GALNT13: variants seen among roughly 807,000 people sequenced by gnomAD.
The protein encoded by GALNT13 is polypeptide N-acetylgalactosaminyltransferase 13, also known as UDP-GalNAc:polypeptide N-acetylgalactosaminyltransferase 13.
In GALNT13, 28 loss-of-function variants were observed where a neutral mutation model predicts 64.2. The observed-to-expected ratio is 0.44, with a 90% CI of 0.32 to 0.60. GALNT13 has a LOEUF of 0.60. Among genes scored for constraint, GALNT13 ranks in the 20% least tolerant of loss-of-function variants. The pLI is 0.05. For missense variants in GALNT13, 577 were observed against 669.8 expected, an observed-to-expected ratio of 0.86 and a Z score of 1.53; for synonymous variants, 214 against 224.6, an observed-to-expected ratio of 0.95 and a Z score of 0.42.
the GALNT13 span, among the ~76,000 whole-genome samples, chr2:153,671,964 C>T: frequency 1.3e-5 from 2 of 152,178 alleles, no homozygotes; most frequent in Non-Finnish European, 2.9e-5. Flanking sequence ...AAGGCCATTA[C>T]ATAATGATAA....
At chr2:153,459,345 A>G in the GALNT13 span, among the ~76,000 whole-genome samples, 4 of 152,088 alleles carry the variant, frequency 2.6e-5, no homozygotes, top group African/African-American at 9.7e-5. Context: ...TGCCAGGCAC[A>G]GTAGTGTGTG....
intron 2 of GALNT13, among the ~76,000 whole-genome samples, chr2:153,903,274 G>T (rs1199109616): frequency 1.3e-5 from 2 of 151,934 alleles, no homozygotes; most frequent in Non-Finnish European, 2.9e-5. Context: ...TGTATCTTGG[G>T]TCCGTAAAAG....
chr2:154,043,407 A>T, intron 3 of GALNT13, among the ~76,000 whole-genome samples: 1 of 26,310 alleles, frequency 3.8e-5, no homozygotes, highest in Admixed American at 2.8e-4. Context: ...CACTACTATA[A>T]GGACTTTTAT....
intron 9 of GALNT13, among the ~76,000 whole-genome samples, chr2:154,307,868 C>T (rs1243631364): frequency 1.3e-5 from 2 of 152,128 alleles, no homozygotes; most frequent in Admixed American, 6.6e-5. Flanking sequence ...ATTTTCTTTT[C>T]CTCTTGGTCA....
the GALNT13 span, among the ~76,000 whole-genome samples, chr2:153,497,392 G>A: frequency 6.6e-6 from 1 of 151,832 alleles, no homozygotes; most frequent in Non-Finnish European, 1.5e-5. Context: ...TTCTTTATGT[G>A]TCCTTCATAT....
At chr2:153,551,188 AG>A in the GALNT13 span, among the ~76,000 whole-genome samples, 75 of 152,288 alleles carry the variant, frequency 4.9e-4, 1 homozygote, top group East Asian at 0.012. Context: ...GTTATCGCCT[AG>A]GGGGAGGTGG....
At chr2:153,909,210 A>G (rs2105311284) in intron 2 of GALNT13, among the ~76,000 whole-genome samples, 1 of 152,146 alleles carries the variant, frequency 6.6e-6, no homozygotes, top group Admixed American at 6.6e-5. Context: ...TCATTGCCAT[A>G]TAGGATTTTT....
chr2:153,433,877 G>A, the GALNT13 span, among the ~76,000 whole-genome samples: 4 of 151,692 alleles, frequency 2.6e-5, no homozygotes, highest in African/African-American at 2.4e-5. Context: ...TGTGCACCAC[G>A]TACAGGTTTG....
rs1227608539 is a variant in GALNT13, at chr2:154,117,007, T to C, written c.143-23330T>C. On this transcript the variant is annotated intron_variant, in intron 3 of 12. Transcript: ENST00000392825. ...GGAGAGCCTATCCAAGTCCCAAAAC[T>C]GAAGAACTCAGAGTCCGATGTTCAA... Among the ~76,000 whole-genome samples, 3 of 152,100 alleles carry C rather than the reference T, an allele frequency of 2.0e-5. No homozygotes were observed. In the East Asian group the frequency reaches 5.8e-4, roughly 29 times the overall value.
the GALNT13 span, among the ~76,000 whole-genome samples, chr2:153,789,498 C>A: frequency 6.6e-6 from 1 of 152,086 alleles, no homozygotes; most frequent in African/African-American, 2.4e-5. Context: ...TCAGGAAGAT[C>A]TCAAATTAAC....
chr2:153,798,775 A>G, the GALNT13 span, among the ~76,000 whole-genome samples: 2 of 152,112 alleles, frequency 1.3e-5, no homozygotes, highest in Non-Finnish European at 2.9e-5. Flanking sequence ...AAGTTGTCAT[A>G]CTTCTGGTGT....
At chr2:153,866,523 A>T in the GALNT13 span, among the ~76,000 whole-genome samples, 1 of 152,190 alleles carries the variant, frequency 6.6e-6, no homozygotes, top group African/African-American at 2.4e-5. Flanking sequence ...TGTTTGGTGC[A>T]AATGACAGAT....
In GALNT13 at chr2:154,300,754, G is replaced by A. The variant is rs377271943; in HGVS notation, c.976-655G>A. ...AAGAAATATATGGTATATTTTCTAA[G>A]AATTTATAGTTTTAAAGGAGTGATA... On this transcript the variant is annotated intron_variant, in intron 8 of 12. Coordinates refer to ENST00000392825, the MANE Select transcript of GALNT13 (RefSeq NM_052917.4). 5.3e-5 allele frequency among the ~76,000 whole-genome samples: 8 copies of A among 152,178 alleles called. No individual in the cohort carries two copies. The East Asian group carries it at 1.4e-3, about 26-fold the overall frequency.
intron 3 of GALNT13, among the ~76,000 whole-genome samples, chr2:154,072,969 A>T (rs10205062): frequency 0.75 from 113,683 of 151,860 alleles, 42,930 homozygotes; most frequent in East Asian, 0.96. Context: ...TCAAATTGTG[A>T]TGTATCCCTT....
intron 10 of GALNT13, among the ~76,000 whole-genome samples, chr2:154,402,356 G>A (rs1699339135): frequency 6.6e-6 from 1 of 152,072 alleles, no homozygotes; most frequent in African/African-American, 2.4e-5. Context: ...TAAGTGATAC[G>A]AACACTACCA....
chr2:153,970,288 A>T (rs1693652781), intron 3 of GALNT13, among the ~76,000 whole-genome samples: 1 of 152,130 alleles, frequency 6.6e-6, no homozygotes, highest in Non-Finnish European at 1.5e-5. Context: ...CCTTTATTTT[A>T]CTTGACTGTC....
At chr2:153,922,009 A>C (rs2105338183) in intron 2 of GALNT13, among the ~76,000 whole-genome samples, 1 of 152,332 alleles carries the variant, frequency 6.6e-6, no homozygotes, top group Non-Finnish European at 1.5e-5. Context: ...ACCAGGAATT[A>C]AAATGACATA....
At chr2:153,526,846 G>T in the GALNT13 span, among the ~76,000 whole-genome samples, 2 of 151,900 alleles carry the variant, frequency 1.3e-5, no homozygotes, top group Non-Finnish European at 2.9e-5. Context: ...AAAAGAGATT[G>T]AAATAATTAA....
intron 9 of GALNT13, among the ~76,000 whole-genome samples, chr2:154,375,491 C>T (rs1697935760): frequency 6.6e-6 from 1 of 152,050 alleles, no homozygotes; most frequent in African/African-American, 2.4e-5. Flanking sequence ...GCGCTTGCTT[C>T]CAAGGAACGA....
Sources: allele counts gnomAD v4.1 joint callset (sites outside exome capture counted in the v4.1 genomes callset), GRCh38; gene constraint gnomAD v4.1.1; transcripts MANE v1.5; gene names NCBI Gene and HGNC (gene_info 2026-07-23, HGNC 2026-07-21).